The following CBFA2T2 variants were observed in gnomAD, a reference collection of about 807,000 sequenced individuals.
CBFA2T2 encodes the protein CBFA2/RUNX1 partner transcriptional co-repressor 2, also known as protein CBFA2T2.
CBFA2T2 carries 11 observed loss-of-function variants against 62.2 expected under a neutral mutation model. The observed-to-expected ratio is 0.18, with a 90% CI of 0.11 to 0.29. The LOEUF is 0.29. CBFA2T2 is among the 10% of genes least tolerant of loss of function. The pLI is 1.00. For synonymous variants in CBFA2T2, 295 were observed against 287.5 expected, an observed-to-expected ratio of 1.03 and a Z score of -0.27; for missense variants, 592 against 774.1, an observed-to-expected ratio of 0.76 and a Z score of 2.79.
chr20:33,494,243 G>GTGTA (rs1491431819), intron 1 of CBFA2T2, among the ~76,000 whole-genome samples: 29 of 30,310 alleles, frequency 9.6e-4, no homozygotes, highest in African/African-American at 2.9e-3. Context: ...ATATATATGT[G>GTGTA]TATATATATA....
intron 1 of CBFA2T2, among the ~76,000 whole-genome samples, chr20:33,536,826 C>T (rs1165043466): frequency 6.7e-6 from 1 of 148,562 alleles, no homozygotes; most frequent in Non-Finnish European, 1.5e-5. Context: ...CGGGAAGAGG[C>T]GCTCCTCACT....
rs1207882526 is a variant in CBFA2T2, at chr20:33,636,646, A to C, written c.1235A>C (p.Gln412Pro). 1.2e-6 allele frequency: 2 copies of C among 1,613,148 alleles called. No homozygotes were observed. The highest frequency in any genetic ancestry group is 4.5e-5 in the East Asian group (2 of 44,860). Residue 412 changes from glutamine to proline, a missense_variant, in exon 9 of 11, where the codon CAG becomes CCG. Coordinates refer to ENST00000342704, the MANE Select transcript of CBFA2T2 (RefSeq NM_001032999.3). ...GSADSLSNDS[Q>P]REFNSRPGTG... ...TTTTATGTCTCTTCTGCAGATTCTC[A>C]GAGAGAGTTCAACAGCAGGCCAGGT...
Position 33,517,383 on chromosome 20 carries a change from A to C in CBFA2T2, c.34+27082A>C, listed in dbSNP as rs199904218. Among the ~76,000 whole-genome samples the C allele has an allele frequency of 9.2e-5, 14 of 152,132 alleles. No homozygotes were observed. The East Asian group carries it at 2.3e-3, about 25-fold the overall frequency. On this transcript the variant is annotated intron_variant, in intron 1 of 10. Transcript: ENST00000342704. ...AATTTTCAGCTCATTATTGCCATCA[A>C]GGTATTTTGGTGATTATTTCCACTA...
intron 1 of CBFA2T2, among the ~76,000 whole-genome samples, chr20:33,512,959 A>T (rs2011536045): frequency 6.6e-6 from 1 of 151,972 alleles, no homozygotes; most frequent in African/African-American, 2.4e-5. Context: ...TCACTGCATT[A>T]GCCAGGATGG....
intron 1 of CBFA2T2, among the ~76,000 whole-genome samples, chr20:33,584,001 G>A (rs2014246559): frequency 6.6e-6 from 1 of 152,130 alleles, no homozygotes; most frequent in African/African-American, 2.4e-5. Context: ...AGGCTGGAGT[G>A]CGGTGGTATG....
intron 4 of CBFA2T2, 67 bp downstream of exon 4, chr20:33,619,673 C>A: frequency 1.7e-6 from 2 of 1,199,850 alleles, no homozygotes; most frequent in Non-Finnish European, 2.4e-6. Context: ...ATCCCTGTTA[C>A]GTGATTTAAA....
intron 1 of CBFA2T2, among the ~76,000 whole-genome samples, chr20:33,493,048 C>T (rs556321031): frequency 4.7e-5 from 7 of 150,000 alleles, no homozygotes; most frequent in African/African-American, 1.2e-4. Flanking sequence ...CCTCTGCACC[C>T]GCCCTTGATT....
intron 1 of CBFA2T2, among the ~76,000 whole-genome samples, chr20:33,599,130 C>T (rs535649654): frequency 1.3e-5 from 2 of 152,182 alleles, no homozygotes; most frequent in Non-Finnish European, 2.9e-5. Flanking sequence ...GGCTCAGTGG[C>T]ATGTGCCTGT....
intron 2 of CBFA2T2, among the ~76,000 whole-genome samples, chr20:33,608,594 T>G (rs1400608275): frequency 6.6e-6 from 1 of 152,190 alleles, no homozygotes; most frequent in Non-Finnish European, 1.5e-5. Context: ...TATCTCAAAG[T>G]TGAACAGCCC....
chr20:33,533,716 G>C (rs1187129635), intron 1 of CBFA2T2, among the ~76,000 whole-genome samples: 1 of 151,974 alleles, frequency 6.6e-6, no homozygotes, highest in Non-Finnish European at 1.5e-5. Context: ...GCTCATGCCT[G>C]TAATCCCAGC....
At chr20:33,573,801 C>A (rs2013685225) in intron 1 of CBFA2T2, among the ~76,000 whole-genome samples, 1 of 151,478 alleles carries the variant, frequency 6.6e-6, no homozygotes, top group African/African-American at 2.4e-5. Context: ...ATTATTTTGA[C>A]ACAGGGTCTT....
chr20:33,549,285 A>T (rs900081769), intron 1 of CBFA2T2, among the ~76,000 whole-genome samples: 1 of 152,214 alleles, frequency 6.6e-6, no homozygotes, highest in East Asian at 1.9e-4. Context: ...TATAAAAAAA[A>T]AAAATCAACC....
At chr20:33,495,184 G>C (rs2011186799) in intron 1 of CBFA2T2, among the ~76,000 whole-genome samples, 1 of 151,816 alleles carries the variant, frequency 6.6e-6, no homozygotes, top group Non-Finnish European at 1.5e-5. Context: ...ATCATCTGAG[G>C]TCAGGAGTTT....
At chr20:33,570,276 C>T (rs919253256) in intron 1 of CBFA2T2, among the ~76,000 whole-genome samples, 1 of 150,136 alleles carries the variant, frequency 6.7e-6, no homozygotes, top group Admixed American at 6.7e-5. Context: ...AGCGAGACTC[C>T]ATCTCAAAAA....
chr20:33,534,338 T>C lies in CBFA2T2; in HGVS notation c.34+44037T>C, dbSNP rs1386712321. 2.6e-5 allele frequency among the ~76,000 whole-genome samples: 4 copies of C among 152,266 alleles called. No individual in the cohort carries two copies. In the East Asian group the frequency reaches 7.7e-4, roughly 29 times the overall value. On this transcript the variant is annotated intron_variant, in intron 1 of 10. Coordinates refer to ENST00000342704, the MANE Select transcript of CBFA2T2 (RefSeq NM_001032999.3). ...GCTGTTGAGGTTTTTGTTTGTTTGT[T>C]TGAGACAGTCTCACTCTGTTGCCCA...
chr20:33,514,123 G>A (rs903015248), intron 1 of CBFA2T2, among the ~76,000 whole-genome samples: 3 of 148,952 alleles, frequency 2.0e-5, no homozygotes, highest in East Asian at 2.0e-4. Context: ...GGCGGGCCTC[G>A]AACTCCTGAC....
intron 1 of CBFA2T2, among the ~76,000 whole-genome samples, chr20:33,490,721 C>G (rs890765246): frequency 3.9e-5 from 6 of 152,336 alleles, no homozygotes; most frequent in African/African-American, 1.4e-4. Context: ...TGAGCGCAGG[C>G]TCAGTAGTTG....
intron 1 of CBFA2T2, among the ~76,000 whole-genome samples, chr20:33,500,206 C>T (rs1433994314): frequency 6.6e-6 from 1 of 152,056 alleles, no homozygotes; most frequent in Admixed American, 6.6e-5. Flanking sequence ...CTGCCCGCCT[C>T]TGCCTCCCAA....
intron 6 of CBFA2T2, among the ~76,000 whole-genome samples, chr20:33,626,098 T>C (rs2016214835): frequency 1.3e-5 from 2 of 150,804 alleles, no homozygotes; most frequent in African/African-American, 4.9e-5. Context: ...CAAGACTCCG[T>C]CTCCAAAAAA....
Sources: allele counts gnomAD v4.1 joint callset (sites outside exome capture counted in the v4.1 genomes callset), GRCh38; gene constraint gnomAD v4.1.1; transcripts MANE v1.5; gene names NCBI Gene and HGNC (gene_info 2026-07-23, HGNC 2026-07-21).